Variants in PRICKLE2 observed in about 807,000 individuals in gnomAD.
The protein encoded by PRICKLE2 is prickle-like protein 2.
Under a neutral mutation model 81.4 loss-of-function variants are expected in PRICKLE2, and 21 were observed. That is an observed-to-expected ratio of 0.26 (90% CI 0.18 to 0.37). The LOEUF is 0.37. Among genes scored for constraint, PRICKLE2 ranks in the 10% least tolerant of loss-of-function variants. PRICKLE2 has a pLI of 1.00. For missense variants in PRICKLE2, 940 were observed against 1,109.0 expected (o/e 0.85, Z 2.16); for synonymous variants, 456 against 421.5 (o/e 1.08, Z -1.00).
intron 2 of PRICKLE2, among the ~76,000 whole-genome samples, chr3:64,265,098 G>T (rs2079679389): frequency 6.6e-6 from 1 of 152,066 alleles, no homozygotes; most frequent in Admixed American, 6.6e-5. Context: ...GCCTTCCTTT[G>T]CTGGTCACAC....
At position 64,099,103 on chromosome 3, in the gene PRICKLE2, C is replaced by A. The variant is rs2076611392; in HGVS notation, c.2483G>T (p.Gly828Val). Residue 828 changes from glycine to valine, a missense_variant, in exon 8 of 8, where the codon GGA (glycine) becomes GTA (valine). Coordinates refer to ENST00000638394, the MANE Select transcript of PRICKLE2 (RefSeq NM_198859.4). This position sits in a 1 kb window ranked among gnomAD's most constrained non-coding sequence, Gnocchi z 4.3. ...CTGTCTTTTCCTGCTGTGCAACTGT[C>A]CTCTGCCACCTAATGTGGAAGATTT... The part of the protein sequence containing the change: ...LPKSSTLGGR[G>V]QLHSRKRQKS... 1 of 1,614,092 alleles carries A rather than the reference C, an allele frequency of 6.2e-7. No individual in the cohort carries two copies. The highest frequency in any genetic ancestry group is 2.2e-5 in the East Asian group (1 of 44,884).
rs2076622815 is a variant in PRICKLE2 at position 64,099,639 on chromosome 3, C to T, written c.1947G>A (p.Met649Ile). Residue 649 changes from methionine (M) to isoleucine (I), a missense_variant, in exon 8 of 8, where the codon ATG (methionine) becomes ATA (isoleucine). Coordinates refer to ENST00000638394, the MANE Select transcript of PRICKLE2 (RefSeq NM_198859.4). This position sits in a 1 kb window ranked among gnomAD's most constrained non-coding sequence, Gnocchi z 4.3. ...CCTGCCCTGGCAGCTTGCTGCCCGC[C>T]ATCCCTCCATCAAAATCAAAGCTCT... ...MHQSFDFDGG[M>I]AGSKLPGQEG... 3 of 1,614,038 alleles carry T rather than the reference C, an allele frequency of 1.9e-6. No homozygotes were observed. Among genetic ancestry groups the T allele is most frequent in the Admixed American group, 3.3e-5 (2 of 60,010 alleles).
At chr3:64,267,117 G>T (rs927228082) in intron 2 of PRICKLE2, among the ~76,000 whole-genome samples, 1 of 151,982 alleles carries the variant, frequency 6.6e-6, no homozygotes, top group African/African-American at 2.4e-5. Context: ...GGGCACGGCT[G>T]CCCAGGCACT....
At chr3:64,118,837 T>C (rs1449600144) in intron 7 of PRICKLE2, among the ~76,000 whole-genome samples, 2 of 127,230 alleles carry the variant, frequency 1.6e-5, no homozygotes, top group Non-Finnish European at 3.3e-5. Context: ...AGAGACCTAA[T>C]AACAGAAATA....
intron 7 of PRICKLE2, among the ~76,000 whole-genome samples, chr3:64,104,021 T>G (rs72874617): frequency 0.034 from 5,168 of 152,292 alleles, 280 homozygotes; most frequent in African/African-American, 0.12. Context: ...AAAACAATGT[T>G]TGTTAAAGGG....
At chr3:64,138,363 G>A (rs1178056435) in intron 7 of PRICKLE2, among the ~76,000 whole-genome samples, 1 of 152,178 alleles carries the variant, frequency 6.6e-6, no homozygotes, top group Non-Finnish European at 1.5e-5. Flanking sequence ...CCAAAGTCAG[G>A]CAAATGAGAA....
intron 7 of PRICKLE2, among the ~76,000 whole-genome samples, chr3:64,120,904 G>C (rs11925023): frequency 1.1e-4 from 16 of 152,146 alleles, no homozygotes. Flanking sequence ...AAGCTGCCAC[G>C]AACCCATTAT....
intron 2 of PRICKLE2, among the ~76,000 whole-genome samples, chr3:64,246,464 C>A (rs578037040): frequency 6.6e-6 from 1 of 152,264 alleles, no homozygotes; most frequent in African/African-American, 2.4e-5. Context: ...ATTCTCTTTT[C>A]TTTCTTTTTG....
intron 2 of PRICKLE2, among the ~76,000 whole-genome samples, chr3:64,258,881 G>T (rs916267073): frequency 9.0e-5 from 13 of 144,814 alleles, no homozygotes; most frequent in Non-Finnish European, 1.4e-4. Flanking sequence ...AAGAAAGAAA[G>T]AAAGAAAGAA....
At chr3:64,179,029 TTCTTTC>T (rs1311433975) in intron 2 of PRICKLE2, among the ~76,000 whole-genome samples, 4 of 147,480 alleles carry the variant, frequency 2.7e-5, no homozygotes, top group African/African-American at 1.0e-4. Flanking sequence ...CTTTCTTTCT[TTCTTTC>T]TTTTCTTTCC....
intron 2 of PRICKLE2, among the ~76,000 whole-genome samples, chr3:64,174,011 G>A (rs1305764775): frequency 6.6e-6 from 1 of 152,118 alleles, no homozygotes; most frequent in Non-Finnish European, 1.5e-5. Context: ...ACATAGTGTA[G>A]TTCCCCATGA....
chr3:64,149,559 G>A (rs1021156195), intron 6 of PRICKLE2, among the ~76,000 whole-genome samples: 10 of 152,336 alleles, frequency 6.6e-5, no homozygotes, highest in Admixed American at 1.3e-4. Context: ...CTCCTGATGC[G>A]TAATGATACA....
chr3:64,149,293 C>CA (rs1428352829), intron 6 of PRICKLE2, among the ~76,000 whole-genome samples: 8 of 151,966 alleles, frequency 5.3e-5, no homozygotes, highest in African/African-American at 1.2e-4. Context: ...CATAGGCCAG[C>CA]AAAAAAAATC....
At chr3:64,264,142 C>T (rs1464496330) in intron 2 of PRICKLE2, among the ~76,000 whole-genome samples, 1 of 151,968 alleles carries the variant, frequency 6.6e-6, no homozygotes, top group Non-Finnish European at 1.5e-5. Context: ...CAGGTAGATG[C>T]TTGGAATTAG....
At chr3:64,264,322 G>A (rs769140453) in intron 2 of PRICKLE2, among the ~76,000 whole-genome samples, 6 of 152,114 alleles carry the variant, frequency 3.9e-5, no homozygotes, top group South Asian at 2.1e-4. Flanking sequence ...AGCAAACAGC[G>A]ACGTGCTTCT....
chr3:64,127,194 A>G (rs1269771224), intron 7 of PRICKLE2, among the ~76,000 whole-genome samples: 3 of 152,202 alleles, frequency 2.0e-5, no homozygotes, highest in African/African-American at 7.2e-5. Flanking sequence ...AGAGCAGTTC[A>G]TGGAGGACAA....
chr3:64,126,537 C>T (rs971009339), intron 7 of PRICKLE2, among the ~76,000 whole-genome samples: 13 of 152,276 alleles, frequency 8.5e-5, no homozygotes, highest in South Asian at 4.1e-4. Context: ...GCTCTGGAGT[C>T]GGGCTGCCTC....
intron 7 of PRICKLE2, among the ~76,000 whole-genome samples, chr3:64,121,847 A>G (rs2077033618): frequency 6.6e-6 from 1 of 152,160 alleles, no homozygotes; most frequent in South Asian, 2.1e-4. Context: ...GAAAAGAATG[A>G]CTGGCTCGGA....
chr3:64,146,718 G>A (rs887224504), intron 7 of PRICKLE2, 112 bp downstream of exon 7: 38 of 1,220,184 alleles, frequency 3.1e-5, no homozygotes, highest in Middle Eastern at 2.7e-4. Context: ...ACTCCAGCCT[G>A]GGGGACAGAG....
Sources: gnomAD v4.1 joint callset for allele counts (sites outside exome capture counted in the v4.1 genomes callset) on GRCh38, gnomAD v4.1.1 for gene constraint, Gnocchi (gnomAD v3.1) non-coding constraint, MANE v1.5 for transcripts, NCBI Gene and HGNC (gene_info 2026-07-23, HGNC 2026-07-21) for gene names.